LAMC1: variants seen among roughly 807,000 people sequenced by gnomAD.
The protein encoded by LAMC1 is laminin subunit gamma 1.
A neutral mutation model predicts 173.6 loss-of-function variants in LAMC1; 38 were observed. The observed-to-expected ratio is 0.22, with a 90% CI of 0.17 to 0.29. The LOEUF is 0.29. LAMC1 is among the 10% of genes least tolerant of loss of function. The probability of loss-of-function intolerance (pLI) is 1.00; values close to 1 mark genes in which losing one functional copy is unlikely to be tolerated. For synonymous variants in LAMC1, 746 were observed against 749.1 expected, an observed-to-expected ratio of 1.00 and a Z score of 0.07; for missense variants, 1,824 against 2,051.8, an observed-to-expected ratio of 0.89 and a Z score of 2.14.
intron 1 of LAMC1, among the ~76,000 whole-genome samples, chr1:183,032,658 G>A (rs1405575691): frequency 6.6e-6 from 1 of 152,158 alleles, no homozygotes; most frequent in African/African-American, 2.4e-5. Flanking sequence ...ACAGTGCTGG[G>A]ATTATAGGCA....
intron 1 of LAMC1, among the ~76,000 whole-genome samples, chr1:183,082,538 G>A (rs1342576523): frequency 6.6e-6 from 1 of 152,200 alleles, no homozygotes; most frequent in Non-Finnish European, 1.5e-5. Flanking sequence ...ATAGGTGTGT[G>A]TGTACGCAGG....
rs1441990947 is a variant in LAMC1, at chr1:183,131,372, C to T, written c.3560C>T (p.Ala1187Val). 6.2e-7 allele frequency: 1 copy of T among 1,611,616 alleles called. No homozygotes were observed. The highest frequency in any genetic ancestry group is 8.5e-7 in the Non-Finnish European group (1 of 1,178,614). Reference protein sequence around the residue: ...TLLAEEARKLAERHKQEADDI... With the variant: ...TLLAEEARKLVERHKQEADDI... ...TTGGCAGAAGAGGCTCGAAAGCTTG[C>T]TGAACGGTAACTTCTAGATCCCTGT... The change falls in exon 20 of 28, where the codon GCT becomes GTT. Residue 1187 changes from alanine (A) to valine (V), a missense_variant. Physicochemically the swap from Ala to Val is moderately conservative, Grantham distance 64. Transcript: ENST00000258341.
Position 183,124,812 on chromosome 1 carries a change from T to C in LAMC1, c.2583T>C (p.Cys861=). ...KCIYNTAGFY[C]DRCKDGFFGN... ...TCTATAACACTGCTGGCTTCTATTGTGACCGGTGCAAAGACGGATTTTTTG... is the reference window on the plus strand; with the variant it reads ...TCTATAACACTGCTGGCTTCTATTGCGACCGGTGCAAAGACGGATTTTTTG... Residue 861 remains cysteine (C), a synonymous_variant, in exon 14 of 28, where the codon TGT becomes TGC. Transcript: ENST00000258341. 6.2e-7 allele frequency: 1 copy of C among 1,614,232 alleles called. No individual in the cohort carries two copies. The highest frequency in any genetic ancestry group is 8.5e-7 in the Non-Finnish European group (1 of 1,180,044).
In LAMC1 at chr1:183,121,703, CT is replaced by C; in HGVS notation, c.1991-16del. On this transcript the variant is annotated intron_variant, in intron 11 of 27. Coordinates refer to ENST00000258341, the MANE Select transcript of LAMC1 (RefSeq NM_002293.4). ...GAAAACAAGCCAGTTCAGTGATTTT[CT>C]TTTCCTCACTATACACAGGTGCTGG... is the stretch of plus-strand genomic sequence containing the variant. 6 of 1,592,136 alleles carry C rather than the reference CT, an allele frequency of 3.8e-6. No homozygotes were observed. The highest frequency in any genetic ancestry group is 5.1e-6 in the Non-Finnish European group (6 of 1,165,808).
chr1:183,136,401 T>C lies in LAMC1; in HGVS notation c.4130T>C (p.Val1377Ala), dbSNP rs768127059. The C allele has an allele frequency of 1.2e-6, 2 of 1,614,104 alleles. No individual in the cohort carries two copies. Among genetic ancestry groups the C allele is most frequent in the East Asian group, 2.2e-5 (1 of 44,872 alleles). ...LNNLKDFDRRVNDNKTAAEEA... is the reference protein window; with the variant it reads ...LNNLKDFDRRANDNKTAAEEA... ...CTTGTTTCAGATTTTGATAGGCGTG[T>C]GAACGATAACAAGACGGCCGCAGAG... Residue 1377 changes from valine to alanine, a missense_variant, in exon 25 of 28, where the codon GTG becomes GCG. Coordinates refer to ENST00000258341, the MANE Select transcript of LAMC1 (RefSeq NM_002293.4).
In LAMC1 at chr1:183,116,669, G is replaced by A; in HGVS notation, c.1421G>A (p.Cys474Tyr). ...AAAGACAATGTCGAAGGCTTCAATT[G>A]TGAAAGGTAGTGCATTCTTTCTCTA... ...VCKDNVEGFN[C>Y]ERCKPGFFNL... The change falls in exon 7 of 28, where the codon TGT becomes TAT. Residue 474 changes from cysteine (C) to tyrosine (Y), a missense_variant. Coordinates refer to ENST00000258341, the MANE Select transcript of LAMC1 (RefSeq NM_002293.4). 6.2e-7 allele frequency: 1 copy of A among 1,612,060 alleles called. No homozygotes were observed. The highest frequency in any genetic ancestry group is 8.5e-7 in the Non-Finnish European group (1 of 1,178,178).
chr1:183,062,789 T>C (rs1654774108), intron 1 of LAMC1, among the ~76,000 whole-genome samples: 1 of 152,064 alleles, frequency 6.6e-6, no homozygotes, highest in Non-Finnish European at 1.5e-5. Flanking sequence ...CCATCTCTAC[T>C]AAAAACACAA....
At chr1:183,057,664 G>A (rs1321833984) in intron 1 of LAMC1, among the ~76,000 whole-genome samples, 3 of 152,114 alleles carry the variant, frequency 2.0e-5, no homozygotes, top group African/African-American at 2.4e-5. Context: ...AGGAGGCTGA[G>A]GCAGGAGAAT....
chr1:183,108,128 G>T (rs970837860), intron 2 of LAMC1, 148 bp from the exon 3 acceptor site: 3 of 648,680 alleles, frequency 4.6e-6, no homozygotes, highest in Admixed American at 3.2e-5. Context: ...GAAAATTAAA[G>T]AAGTCATTGA....
At chr1:183,041,514 A>G (rs983860285) in intron 1 of LAMC1, among the ~76,000 whole-genome samples, 1 of 152,156 alleles carries the variant, frequency 6.6e-6, no homozygotes, top group Admixed American at 6.5e-5. Context: ...CAGTAAGCAT[A>G]TTGCATACCT....
At chr1:183,113,794 G>A (rs1030927241) in intron 4 of LAMC1, among the ~76,000 whole-genome samples, 31 of 152,296 alleles carry the variant, frequency 2.0e-4, no homozygotes, top group Admixed American at 5.2e-4. Context: ...CTCATCTGAG[G>A]CCTAAAAAGT....
intron 20 of LAMC1, 90 bp from the exon 21 acceptor site, chr1:183,132,305 AATAAT>A: frequency 7.8e-6 from 6 of 765,370 alleles, no homozygotes; most frequent in South Asian, 4.6e-5. Context: ...TAATAATAAT[AATAAT>A]AATAATAATA....
rs148395845 is a variant in LAMC1 at position 183,136,518 on chromosome 1, C to T, written c.4247C>T (p.Ala1416Val). Reference protein sequence around the residue: ...REAQQALGSAAADATEAKNKA... With the variant: ...REAQQALGSAVADATEAKNKA... The stretch of plus-strand genomic sequence containing the variant: ...GCCCAGCAGGCCCTGGGCAGTGCTG[C>T]GGCGGATGCCACAGAGGCCAAGAAC... Residue 1416 changes from alanine to valine, a missense_variant, in exon 25 of 28, where the codon GCG (alanine) becomes GTG (valine). Ala to Val is a moderately conservative substitution (Grantham distance 64). Coordinates refer to ENST00000258341, the MANE Select transcript of LAMC1 (RefSeq NM_002293.4). 104 of 1,613,910 alleles carry T rather than the reference C, an allele frequency of 6.4e-5. No individual in the cohort carries two copies. The highest frequency in any genetic ancestry group is 1.6e-4 in the Middle Eastern group (1 of 6,084).
At chr1:183,047,971 G>A (rs944495616) in intron 1 of LAMC1, among the ~76,000 whole-genome samples, 9 of 151,446 alleles carry the variant, frequency 5.9e-5, no homozygotes, top group Admixed American at 1.3e-4. Flanking sequence ...TCACCAATTC[G>A]GAAGGCCCCA....
intron 1 of LAMC1, among the ~76,000 whole-genome samples, chr1:183,061,090 A>G (rs1654735061): frequency 6.6e-6 from 1 of 152,154 alleles, no homozygotes; most frequent in African/African-American, 2.4e-5. Flanking sequence ...AATGAGGGAT[A>G]GGACTAGGGT....
At chr1:183,117,041 G>T in intron 8 of LAMC1, 138 bp downstream of exon 8, 1 of 920,840 alleles carries the variant, frequency 1.1e-6, no homozygotes, top group Non-Finnish European at 1.6e-6. Flanking sequence ...CATAGTTTTT[G>T]TAGTTTGGCC....
Position 183,117,670 on chromosome 1 carries a change from G to T in LAMC1, c.1824G>T (p.Leu608Phe). 1 of 1,614,192 alleles carries T rather than the reference G, an allele frequency of 6.2e-7. No individual in the cohort carries two copies. The highest frequency in any genetic ancestry group is 8.5e-7 in the Non-Finnish European group (1 of 1,180,038). Residue 608 changes from leucine to phenylalanine, a missense_variant, in exon 10 of 28, where the codon TTG becomes TTT. Leu to Phe is a conservative substitution (Grantham distance 22). Coordinates refer to ENST00000258341, the MANE Select transcript of LAMC1 (RefSeq NM_002293.4). ...CTGGCTTAAGAGTATCTGTACCCTTGATCGCTCAGGGCAATTCCTATCCAA... is the reference window on the plus strand; with the variant it reads ...CTGGCTTAAGAGTATCTGTACCCTTTATCGCTCAGGGCAATTCCTATCCAA... Reference protein sequence around the residue: ...EGAGLRVSVPLIAQGNSYPSE... With the variant: ...EGAGLRVSVPFIAQGNSYPSE...
chr1:183,047,629 G>A (rs976985874), intron 1 of LAMC1, among the ~76,000 whole-genome samples: 2 of 152,202 alleles, frequency 1.3e-5, no homozygotes, highest in African/African-American at 4.8e-5. Flanking sequence ...ATAGACCCAT[G>A]TGTAATTTGT....
chr1:183,132,644 G>A, intron 21 of LAMC1, 107 bp downstream of exon 21: 1 of 807,012 alleles, frequency 1.2e-6, no homozygotes, highest in South Asian at 2.0e-5. Flanking sequence ...CATTCATGCA[G>A]TAAGATTTCC....
Sources: gnomAD v4.1 joint callset for allele counts (sites outside exome capture counted in the v4.1 genomes callset) on GRCh38, gnomAD v4.1.1 for gene constraint, MANE v1.5 for transcripts, NCBI Gene and HGNC (gene_info 2026-07-23, HGNC 2026-07-21) for gene names.